PIEZO2: variants seen among roughly 807,000 people sequenced by gnomAD.
PIEZO2 encodes piezo-type mechanosensitive ion channel component 2.
PIEZO2 carries 172 observed loss-of-function variants against 337.3 expected under a neutral mutation model. The observed-to-expected ratio is 0.51, with a 90% CI of 0.45 to 0.58. The LOEUF (loss-of-function observed/expected upper bound fraction) is 0.58. Among genes scored for constraint, PIEZO2 ranks in the 20% least tolerant of loss-of-function variants. PIEZO2 has a pLI of 0.00. For synonymous variants in PIEZO2, 1,251 were observed against 1,228.5 expected (o/e 1.02, Z -0.38); for missense variants, 3,028 against 3,391.3 (o/e 0.89, Z 2.66).
chr18:11,053,043 G>A (rs1189407233), intron 2 of PIEZO2, among the ~76,000 whole-genome samples: 1 of 152,082 alleles, frequency 6.6e-6, no homozygotes, highest in African/African-American at 2.4e-5. Flanking sequence ...GCAGCACCTG[G>A]GTGTCCTGCA....
chr18:11,025,530 C>CGATCA (rs576888883), intron 2 of PIEZO2, among the ~76,000 whole-genome samples: 1 of 152,124 alleles, frequency 6.6e-6, no homozygotes, highest in African/African-American at 2.4e-5. Context: ...GGTGCACTAG[C>CGATCA]GATCCCATTC....
intron 33 of PIEZO2, chr18:10,739,413 T>C (rs2050708233): frequency 6.6e-6 from 1 of 152,186 alleles, no homozygotes; most frequent in East Asian, 1.9e-4. Flanking sequence ...AAGATAGTTA[T>C]CACAGACCAT....
intron 7 of PIEZO2, among the ~76,000 whole-genome samples, chr18:10,832,231 A>T (rs770607735): frequency 2.0e-5 from 3 of 152,054 alleles, no homozygotes; most frequent in Non-Finnish European, 4.4e-5. Flanking sequence ...ACAGAGTGAG[A>T]CTCTGTCTCA....
chr18:10,762,928 A>G lies in PIEZO2; in HGVS notation c.3117T>C (p.Cys1039=). 1 of 1,536,820 alleles carries G rather than the reference A, an allele frequency of 6.5e-7. No individual in the cohort carries two copies. The change falls in exon 22 of 56, where the codon TGT becomes TGC. Residue 1039 remains cysteine, a synonymous_variant. Coordinates refer to ENST00000674853, the MANE Select transcript of PIEZO2 (RefSeq NM_001378183.1). ...CCCCATCACCGAGGCTCACCAAGGA[A>G]CAGTTAACAGAGAAGTTCTCAGGCT... is the stretch of plus-strand genomic sequence containing the variant. ...TIKPENFSVN[C]SLPNENQTNI...
Position 11,027,753 on chromosome 18 carries a change from A to G in PIEZO2, c.160+38374T>C, listed in dbSNP as rs1174132959. On this transcript the variant is annotated intron_variant, in intron 2 of 55. Transcript: ENST00000674853. This position sits in a 1 kb window ranked among gnomAD's most constrained non-coding sequence, Gnocchi z 4.2. ...TTAACTGAAAATAGCCATTCACTCTAACTCCAGGATTCATAGTGATCTTGA... is the reference window on the plus strand; with the variant it reads ...TTAACTGAAAATAGCCATTCACTCTGACTCCAGGATTCATAGTGATCTTGA... Among the ~76,000 whole-genome samples the G allele has an allele frequency of 1.3e-5, 2 of 152,216 alleles. No individual in the cohort carries two copies. Among genetic ancestry groups the G allele is most frequent in the African/African-American group, 4.8e-5 (2 of 41,452 alleles).
chr18:10,754,375 G>C (rs924429536), intron 27 of PIEZO2, among the ~76,000 whole-genome samples: 2 of 152,226 alleles, frequency 1.3e-5, no homozygotes, highest in Non-Finnish European at 2.9e-5. Context: ...GAGCATGGCT[G>C]TGCTTCTGAC....
In PIEZO2 at chr18:11,016,482, G is replaced by A. The variant is rs1266697524; in HGVS notation, c.161-36822C>T. Among the ~76,000 whole-genome samples, 1 of 152,190 alleles carries A rather than the reference G, an allele frequency of 6.6e-6. No homozygotes were observed. The highest frequency in any genetic ancestry group is 2.4e-5 in the African/African-American group (1 of 41,464). On this transcript the variant is annotated intron_variant, in intron 2 of 55. Transcript: ENST00000674853. This position sits in a 1 kb window ranked among gnomAD's most constrained non-coding sequence, Gnocchi z 5.6. ...TGAACCCCTAGGAACCCCCTGCAAAGGGTGGGTATGAGGGGGGTCGGGTTA... is the reference window on the plus strand; with the variant it reads ...TGAACCCCTAGGAACCCCCTGCAAAAGGTGGGTATGAGGGGGGTCGGGTTA...
At chr18:10,930,891 A>G (rs977120845) in intron 3 of PIEZO2, among the ~76,000 whole-genome samples, 27 of 152,198 alleles carry the variant, frequency 1.8e-4, no homozygotes, top group African/African-American at 6.5e-4. Context: ...GTAACCTCCT[A>G]TTGTTTGTCT....
At chr18:10,758,614 T>A (rs190538475) in intron 26 of PIEZO2, among the ~76,000 whole-genome samples, 152 of 152,266 alleles carry the variant, frequency 1.0e-3, no homozygotes, top group Admixed American at 6.3e-3. Flanking sequence ...CCTGGCTAAT[T>A]TTTTTTACCT....
In PIEZO2 at chr18:10,899,662, C is replaced by A. The variant is rs2042994081; in HGVS notation, c.329+11524G>T. On this transcript the variant is annotated intron_variant, in intron 4 of 55. Coordinates refer to ENST00000674853, the MANE Select transcript of PIEZO2 (RefSeq NM_001378183.1). This position sits in a 1 kb window ranked among gnomAD's most constrained non-coding sequence, Gnocchi z 4.6. ...AACATTCCATTTTATACACTCAACACCCAACTGTTACCTCCATATCAAACA... is the reference window on the plus strand; with the variant it reads ...AACATTCCATTTTATACACTCAACAACCAACTGTTACCTCCATATCAAACA... Among the ~76,000 whole-genome samples the A allele has an allele frequency of 6.6e-6, 1 of 152,156 alleles. No individual in the cohort carries two copies. The highest frequency in any genetic ancestry group is 2.1e-4 in the South Asian group (1 of 4,826).
Position 10,859,645 on chromosome 18 carries a change from T to A in PIEZO2, c.493-2434A>T, listed in dbSNP as rs1409904904. Among the ~76,000 whole-genome samples the A allele has an allele frequency of 6.6e-6, 1 of 152,236 alleles. No individual in the cohort carries two copies. Among genetic ancestry groups the A allele is most frequent in the African/African-American group, 2.4e-5 (1 of 41,466 alleles). Reference sequence around the variant, plus strand: ...CACATCCTTTCAACCCACGTTTGTCTCTTAAGGTGAAACACTCCAGCAGAG... The same window carrying A: ...CACATCCTTTCAACCCACGTTTGTCACTTAAGGTGAAACACTCCAGCAGAG... On this transcript the variant is annotated intron_variant, in intron 5 of 55. Transcript: ENST00000674853. The surrounding 1 kb of genome is among the most constrained non-coding windows in gnomAD (Gnocchi z 4.9).
chr18:10,914,632 T>C (rs1168673137), intron 3 of PIEZO2, among the ~76,000 whole-genome samples: 2 of 152,198 alleles, frequency 1.3e-5, no homozygotes, highest in Admixed American at 1.3e-4. Flanking sequence ...TCAGTTGAAT[T>C]TGTTGGTGCA....
intron 3 of PIEZO2, among the ~76,000 whole-genome samples, chr18:10,950,714 C>T (rs2033254769): frequency 6.6e-6 from 1 of 152,096 alleles, no homozygotes; most frequent in African/African-American, 2.4e-5. Context: ...TTTTCCCTTC[C>T]CCTTCCTCCT....
chr18:10,685,997 C>T (rs1196242938), intron 49 of PIEZO2, among the ~76,000 whole-genome samples: 1 of 152,206 alleles, frequency 6.6e-6, no homozygotes, highest in Non-Finnish European at 1.5e-5. Context: ...CCCATCAGAA[C>T]TTCCTGATAT....
chr18:10,817,366 A>C (rs1369044832), intron 7 of PIEZO2, among the ~76,000 whole-genome samples: 1 of 152,214 alleles, frequency 6.6e-6, no homozygotes, highest in Non-Finnish European at 1.5e-5. Flanking sequence ...GATCTCTTAA[A>C]TATAACTAAG....
At chr18:11,075,126 G>A (rs1302425087) in intron 1 of PIEZO2, among the ~76,000 whole-genome samples, 1 of 152,154 alleles carries the variant, frequency 6.6e-6, no homozygotes, top group Non-Finnish European at 1.5e-5. Context: ...ACATTACTCC[G>A]AATAAGCAAC....
rs1046341047 is a variant in PIEZO2, at chr18:10,705,360, G to A, written c.5975C>T (p.Thr1992Met). 129 of 1,535,158 alleles carry A rather than the reference G, an allele frequency of 8.4e-5. 1 individual carries two copies. Among genetic ancestry groups the A allele is most frequent in the Non-Finnish European group, 9.7e-5 (111 of 1,145,742 alleles). ...CTTTTTCAGCAGCAGCTCGCTGGCC[G>A]TCAGCTCATGGGTCAGGGGAGGTAA... The part of the protein sequence containing the change: ...SILPPLTHEL[T>M]ASELLLKKMF... The change falls in exon 41 of 56, where the codon ACG becomes ATG. Residue 1992 changes from threonine (T) to methionine (M), a missense_variant. By Grantham distance (81) the Thr-to-Met change is moderately conservative. Around this residue, in one of 5 missense-constraint regions of PIEZO2, gnomAD observed 1,925 missense variants for 2,051.9 expected, o/e 0.94. Coordinates refer to ENST00000674853, the MANE Select transcript of PIEZO2 (RefSeq NM_001378183.1).
intron 1 of PIEZO2, among the ~76,000 whole-genome samples, chr18:11,147,768 C>T (rs988608738): frequency 1.1e-4 from 16 of 152,244 alleles, no homozygotes; most frequent in African/African-American, 3.9e-4. Flanking sequence ...CCAGGCCAGT[C>T]CTGGGGAAAC....
At position 10,696,291 on chromosome 18, in the gene PIEZO2, G is replaced by A; in HGVS notation, c.6976-3C>T. 6.2e-7 allele frequency: 1 copy of A among 1,614,112 alleles called. No homozygotes were observed. The highest frequency in any genetic ancestry group is 8.5e-7 in the Non-Finnish European group (1 of 1,179,954). ...ATGTCTGCAGCTGCTGAGTGTTTCT[G>A]GGGAAGAGACAACAAATTCATGCCC... is the stretch of plus-strand genomic sequence containing the variant. On this transcript the variant is annotated splice_region_variant and splice_polypyrimidine_tract_variant and intron_variant, in intron 46 of 55. Coordinates refer to ENST00000674853, the MANE Select transcript of PIEZO2 (RefSeq NM_001378183.1).
Sources: allele counts gnomAD v4.1 joint callset (sites outside exome capture counted in the v4.1 genomes callset), GRCh38; gene constraint gnomAD v4.1.1; regional missense constraint gnomAD v4.1.1; non-coding constraint Gnocchi (gnomAD v3.1); transcripts MANE v1.5; gene names NCBI Gene and HGNC (gene_info 2026-07-23, HGNC 2026-07-21).